The following AGPS variants were observed in gnomAD, a reference collection of about 807,000 sequenced individuals.
The protein encoded by AGPS is alkyldihydroxyacetonephosphate synthase, peroxisomal.
Under a neutral mutation model 90.7 loss-of-function variants are expected in AGPS, and 26 were observed. The observed-to-expected ratio is 0.29, with a 90% confidence interval of 0.21 to 0.40. AGPS has a LOEUF of 0.40. Ranked by LOEUF, AGPS falls within the 10% of genes least tolerant of loss-of-function variation. AGPS has a pLI of 1.00. For synonymous variants in AGPS, 294 were observed against 285.3 expected (o/e 1.03, Z -0.31); for missense variants, 540 against 816.1 (o/e 0.66, Z 4.12).
At chr2:177,465,059 C>T (rs1335593293) in intron 9 of AGPS, among the ~76,000 whole-genome samples, 1 of 152,152 alleles carries the variant, frequency 6.6e-6, no homozygotes, top group African/African-American at 2.4e-5. Context: ...AATCCCAGCA[C>T]TTTGAGAGGA....
At chr2:177,434,809 G>A (rs540386490) in intron 3 of AGPS, among the ~76,000 whole-genome samples, 1 of 151,804 alleles carries the variant, frequency 6.6e-6, no homozygotes, top group South Asian at 2.1e-4. Context: ...TAGACTGACT[G>A]TAATCTAGGA....
chr2:177,531,343 A>G (rs759711925), intron 19 of AGPS, among the ~76,000 whole-genome samples: 4 of 152,212 alleles, frequency 2.6e-5, no homozygotes, highest in Non-Finnish European at 4.4e-5. Context: ...TTACATTTCT[A>G]AATACTAACA....
intron 10 of AGPS, among the ~76,000 whole-genome samples, chr2:177,473,525 C>T (rs1687688084): frequency 6.6e-6 from 1 of 151,890 alleles, no homozygotes; most frequent in South Asian, 2.1e-4. Flanking sequence ...GTCACATTGC[C>T]ATGGAGTTAT....
chr2:177,420,414 A>G (rs1427491689), intron 2 of AGPS, 56 bp downstream of exon 2: 4 of 1,324,274 alleles, frequency 3.0e-6, no homozygotes, highest in Non-Finnish European at 4.4e-6. Context: ...TTTCTATGAA[A>G]AATTTTAAAC....
chr2:177,468,535 C>A lies in AGPS; in HGVS notation c.1105+11C>A. Reference sequence around the variant, plus strand: ...TCATGGGATCTGAAGGTAAATATAACTGTAAATTTATTAAGAAAAAATACA... The same window carrying A: ...TCATGGGATCTGAAGGTAAATATAAATGTAAATTTATTAAGAAAAAATACA... On this transcript the variant is annotated intron_variant, in intron 10 of 19. Coordinates refer to ENST00000264167, the MANE Select transcript of AGPS (RefSeq NM_003659.4). 1 of 1,571,732 alleles carries A rather than the reference C, an allele frequency of 6.4e-7. No homozygotes were observed. The highest frequency in any genetic ancestry group is 8.8e-7 in the Non-Finnish European group (1 of 1,142,198).
chr2:177,418,106 T>G (rs1426301413), intron 1 of AGPS, among the ~76,000 whole-genome samples: 1 of 152,136 alleles, frequency 6.6e-6, no homozygotes, highest in African/African-American at 2.4e-5. Context: ...CAAAAGTTGA[T>G]ATAAATATGG....
chr2:177,472,156 A>G (rs1176974841), intron 10 of AGPS, among the ~76,000 whole-genome samples: 2 of 150,908 alleles, frequency 1.3e-5, no homozygotes, highest in Non-Finnish European at 3.0e-5. Context: ...CCTCAGGGAC[A>G]TTGATTATAC....
Position 177,468,499 on chromosome 2 carries a change from C to T in AGPS, c.1080C>T (p.Ile360=), listed in dbSNP as rs941723367. The part of the protein sequence containing the change: ...QGPRMSTGPD[I]HHFIMGSEGT... ...CTCGTATGTCAACAGGCCCTGATAT[C>T]CATCACTTCATCATGGGATCTGAAG... Residue 360 remains isoleucine, a synonymous_variant, in exon 10 of 20, where the codon ATC becomes ATT. Coordinates refer to ENST00000264167, the MANE Select transcript of AGPS (RefSeq NM_003659.4). The T allele has an allele frequency of 3.7e-5, 59 of 1,611,592 alleles. No homozygotes were observed. Among genetic ancestry groups the T allele is most frequent in the Non-Finnish European group, 4.8e-5 (56 of 1,178,438 alleles).
intron 5 of AGPS, among the ~76,000 whole-genome samples, chr2:177,439,694 C>T (rs1686538919): frequency 6.6e-6 from 1 of 152,128 alleles, no homozygotes; most frequent in Non-Finnish European, 1.5e-5. Flanking sequence ...TTGCTTTCCT[C>T]AGCATTCTTA....
intron 1 of AGPS, among the ~76,000 whole-genome samples, chr2:177,395,341 G>A (rs1685142650): frequency 6.6e-6 from 1 of 152,194 alleles, no homozygotes; most frequent in South Asian, 2.1e-4. Context: ...TGAAGGCATC[G>A]ATAGTTCAGG....
Position 177,394,199 on chromosome 2 carries a change from C to T in AGPS, c.260+1150C>T, listed in dbSNP as rs143986624. Among the ~76,000 whole-genome samples, 34 of 152,182 alleles carry T rather than the reference C, an allele frequency of 2.2e-4. 1 individual carries two copies. Among genetic ancestry groups the T allele is most frequent in the East Asian group, 1.9e-3 (10 of 5,174 alleles). ...CCAGCAATACAGAAATTTAAAAATA[C>T]GGTATTTACTCTTAAGGAAGGAATA... On this transcript the variant is annotated intron_variant, in intron 1 of 19. Coordinates refer to ENST00000264167, the MANE Select transcript of AGPS (RefSeq NM_003659.4).
rs146085384 is a variant in AGPS at position 177,421,923 on chromosome 2, A to T, written c.350+1565A>T. On this transcript the variant is annotated intron_variant, in intron 2 of 19. Coordinates refer to ENST00000264167, the MANE Select transcript of AGPS (RefSeq NM_003659.4). ...ATTTCTGTTTTATGGAACAGGGTAG[A>T]TAGTCACTTGTATTTCAGCAAAGTC... is the stretch of plus-strand genomic sequence containing the variant. Among the ~76,000 whole-genome samples the T allele has an allele frequency of 6.8e-3, 1,029 of 152,214 alleles. 11 individuals are homozygous for T. Among genetic ancestry groups the T allele is most frequent in the African/African-American group, 0.024 (978 of 41,528 alleles).
chr2:177,523,405 G>A (rs1182964691), intron 18 of AGPS, among the ~76,000 whole-genome samples: 7 of 152,156 alleles, frequency 4.6e-5, no homozygotes, highest in Non-Finnish European at 7.4e-5. Context: ...TTGGTATAAT[G>A]AGAGATGTTC....
At position 177,541,381 on chromosome 2, in the gene AGPS, A is replaced by T. The variant is rs2079233754; in HGVS notation, c.*3186A>T. The T allele has an allele frequency of 6.6e-6, 1 of 152,174 alleles. No homozygotes were observed. The highest frequency in any genetic ancestry group is 2.4e-5 in the African/African-American group (1 of 41,460). 9.4% of individuals were successfully genotyped at this position (152,174 alleles called of 1,614,324 possible). A position where few individuals can be genotyped will look rare whatever the true frequency, so the allele number is the denominator to read the frequency against. Reference sequence around the variant, plus strand: ...CTGTAGCTTATCAGAGAAGCTCTGTAGTCCTACACTGAAGTGTGTTCCCTT... The same window carrying T: ...CTGTAGCTTATCAGAGAAGCTCTGTTGTCCTACACTGAAGTGTGTTCCCTT... On this transcript the variant is annotated 3_prime_UTR_variant, in exon 20 of 20. Transcript: ENST00000264167.
At chr2:177,414,364 C>T (rs763015534) in intron 1 of AGPS, among the ~76,000 whole-genome samples, 12 of 151,992 alleles carry the variant, frequency 7.9e-5, no homozygotes, top group Admixed American at 2.0e-4. Context: ...CACCACCACA[C>T]CTGGCTTTTA....
chr2:177,523,251 T>A (rs1689251798), intron 18 of AGPS, among the ~76,000 whole-genome samples: 1 of 152,242 alleles, frequency 6.6e-6, no homozygotes, highest in South Asian at 2.1e-4. Context: ...TAATTTAACC[T>A]ATCTAAGCCT....
chr2:177,499,051 T>C (rs1288504302), intron 13 of AGPS, among the ~76,000 whole-genome samples: 4 of 151,930 alleles, frequency 2.6e-5, no homozygotes, highest in Non-Finnish European at 5.9e-5. Flanking sequence ...AAATATTGAC[T>C]GGTTTATAAT....
At chr2:177,500,416 T>G (rs1185363031) in intron 14 of AGPS, among the ~76,000 whole-genome samples, 2 of 152,044 alleles carry the variant, frequency 1.3e-5, no homozygotes, top group African/African-American at 4.8e-5. Context: ...ATTTCAGGGA[T>G]TAAAATATAT....
In AGPS at chr2:177,538,361, G is replaced by A. The variant is rs193236784; in HGVS notation, c.*166G>A. On this transcript the variant is annotated 3_prime_UTR_variant, in exon 20 of 20. Coordinates refer to ENST00000264167, the MANE Select transcript of AGPS (RefSeq NM_003659.4). ...TAGTTTGTTTTGTTTCTACATCTAT[G>A]GATTGACAGATAGTATTCCTAAATC... 34 of 714,868 alleles carry A rather than the reference G, an allele frequency of 4.8e-5. No homozygotes were observed. The highest frequency in any genetic ancestry group is 1.7e-4 in the Admixed American group (6 of 35,764). The allele number at this position is 714,868 out of a possible 1,614,324, so 44.3% of individuals were successfully genotyped here.
Sources: gnomAD v4.1 joint callset for allele counts (sites outside exome capture counted in the v4.1 genomes callset) on GRCh38, gnomAD v4.1.1 for gene constraint, MANE v1.5 for transcripts, NCBI Gene and HGNC (gene_info 2026-07-23, HGNC 2026-07-21) for gene names.